TRAP1: variants seen among roughly 807,000 people sequenced by gnomAD.
TRAP1 encodes the protein heat shock protein 75 kDa, mitochondrial.
A neutral mutation model predicts 89.1 loss-of-function variants in TRAP1; 102 were observed. The ratio of observed to expected loss-of-function variants is 1.15; its 90% CI spans 0.98 to 1.35. The LOEUF is 1.35. TRAP1 is among the 40% of genes most tolerant of loss of function. The pLI is 0.00. For synonymous variants in TRAP1, 508 were observed against 388.0 expected (o/e 1.31, Z -3.64); for missense variants, 1,256 against 945.3 (o/e 1.33, Z -4.31).
chr16:3,665,182 G>C (rs1324613607), intron 12 of TRAP1: 1 of 152,214 alleles, frequency 6.6e-6, no homozygotes, highest in Non-Finnish European at 1.5e-5. Flanking sequence ...GAAGATAAAG[G>C]AGAATGAAGA....
At chr16:3,667,967 C>T (rs146784157) in intron 11 of TRAP1, among the ~76,000 whole-genome samples, 2,556 of 140,744 alleles carry the variant, frequency 0.018, 33 homozygotes, top group Middle Eastern at 0.049. Flanking sequence ...CTCGCTCTGT[C>T]GCCCAGGCTG....
At chr16:3,689,226 G>A (rs368345458) in intron 2 of TRAP1, 89 bp from the exon 3 acceptor site, 13 of 646,120 alleles carry the variant, frequency 2.0e-5, no homozygotes, top group East Asian at 7.7e-5. Context: ...GAAAGCTTAA[G>A]TTTATGAGTT....
intron 1 of TRAP1, among the ~76,000 whole-genome samples, chr16:3,696,014 T>C (rs553373850): frequency 6.6e-6 from 1 of 152,252 alleles, no homozygotes; most frequent in Non-Finnish European, 1.5e-5. Flanking sequence ...CACACACACA[T>C]TTCCCAGCTC....
rs2042821250 is a variant in TRAP1, at chr16:3,658,124, G to A, written c.*5C>T. ...GTGGTGTCAGTCCTTCTGGCCCCCT[G>A]GCTGTCAGTGTCGCTCCAGGGCCTT... is the stretch of plus-strand genomic sequence containing the variant. On this transcript the variant is annotated 3_prime_UTR_variant, in exon 18 of 18. Transcript: ENST00000246957. 1 of 1,613,836 alleles carries A rather than the reference G, an allele frequency of 6.2e-7. No individual in the cohort carries two copies. Among genetic ancestry groups the A allele is most frequent in the African/African-American group, 1.3e-5 (1 of 75,028 alleles).
Position 3,661,981 on chromosome 16 carries a change from C to A in TRAP1, c.1940+6G>T. On this transcript the variant is annotated splice_donor_region_variant and intron_variant, in intron 16 of 17. Coordinates refer to ENST00000246957, the MANE Select transcript of TRAP1 (RefSeq NM_016292.3). Reference sequence around the variant, plus strand: ...CAGGCTGGAAGAGCCAGGAGCGTGGCCTCACCTGGGGTTGATCTCCAGCGT... The same window carrying A: ...CAGGCTGGAAGAGCCAGGAGCGTGGACTCACCTGGGGTTGATCTCCAGCGT... 2 of 1,597,360 alleles carry A rather than the reference C, an allele frequency of 1.3e-6. No individual in the cohort carries two copies. The highest frequency in any genetic ancestry group is 1.7e-6 in the Non-Finnish European group (2 of 1,170,166).
chr16:3,673,528 T>A (rs949272133), intron 9 of TRAP1, among the ~76,000 whole-genome samples: 6 of 152,092 alleles, frequency 3.9e-5, no homozygotes, highest in African/African-American at 1.4e-4. Flanking sequence ...GAGACCTGGT[T>A]AAAATGTGGG....
intron 16 of TRAP1, 42 bp downstream of exon 16, chr16:3,661,944 TG>T: frequency 1.9e-6 from 3 of 1,553,594 alleles, no homozygotes; most frequent in Non-Finnish European, 1.7e-6. Flanking sequence ...CACAGGATTC[TG>T]GGGAATCCCA....
At chr16:3,664,592 G>T (rs968549181) in intron 12 of TRAP1, 133 bp from the exon 13 acceptor site, 6 of 939,998 alleles carry the variant, frequency 6.4e-6, no homozygotes, top group Non-Finnish European at 9.3e-6. Flanking sequence ...AGGGACGGTA[G>T]TGGACTCGGG....
chr16:3,662,211 G>A, intron 15 of TRAP1, 79 bp from the exon 16 acceptor site: 1 of 1,530,698 alleles, frequency 6.5e-7, no homozygotes, highest in Non-Finnish European at 8.8e-7. Flanking sequence ...AGGGGTGAAG[G>A]TCACCCAGAC....
rs149669139 is a variant in TRAP1, at chr16:3,658,038, C to T, written c.*91G>A. On this transcript the variant is annotated 3_prime_UTR_variant, in exon 18 of 18. Transcript: ENST00000246957. ...CCAGAAAAAAAGCCCAACACACACT[C>T]GGGTTAAGAAATACCTTTAAATTTA... 1.4e-4 allele frequency: 231 copies of T among 1,607,566 alleles called. 1 individual carries two copies. The highest frequency in any genetic ancestry group is 1.1e-3 in the South Asian group (103 of 90,532).
chr16:3,658,281 A>ATTT, intron 17 of TRAP1, 51 bp from the exon 18 acceptor site: 59 of 1,216,262 alleles, frequency 4.9e-5, no homozygotes, highest in South Asian at 5.5e-5. Flanking sequence ...GCACCTTTTC[A>ATTT]TTTTTTTTTT....
chr16:3,686,062 G>T lies in TRAP1; in HGVS notation c.405C>A (p.Gly135=). Residue 135 remains glycine (G), a synonymous_variant, in exon 4 of 18, where the codon GGC becomes GGA. Coordinates refer to ENST00000246957, the MANE Select transcript of TRAP1 (RefSeq NM_016292.3). ...GAATCTCCATTTCTGGCAGTGCTTG[G>T]CCGTCAGACACCAGTTTGTGACGCA... ...EKLRHKLVSD[G]QALPEMEIHL... is the part of the protein sequence containing the mutation. The T allele has an allele frequency of 1.2e-6, 2 of 1,614,108 alleles. No homozygotes were observed. Among genetic ancestry groups the T allele is most frequent in the Non-Finnish European group, 1.7e-6 (2 of 1,179,998 alleles).
intron 1 of TRAP1, among the ~76,000 whole-genome samples, chr16:3,709,158 C>G (rs1236933427): frequency 6.9e-6 from 1 of 143,996 alleles, no homozygotes; most frequent in Non-Finnish European, 1.5e-5. Flanking sequence ...AGGGCTAGCG[C>G]AGAGGTTACG....
intron 16 of TRAP1, 37 bp from the exon 17 acceptor site, chr16:3,658,902 A>G (rs1266242678): frequency 1.2e-6 from 2 of 1,605,894 alleles, no homozygotes; most frequent in East Asian, 4.5e-5. Flanking sequence ...GCAGCTCAGT[A>G]CCACGTGCTG....
chr16:3,667,833 A>C (rs1224537516), intron 11 of TRAP1, among the ~76,000 whole-genome samples: 1 of 147,032 alleles, frequency 6.8e-6, no homozygotes, highest in Non-Finnish European at 1.5e-5. Flanking sequence ...ATCTCGGCTC[A>C]CTGCAACCTC....
chr16:3,698,549 G>A (rs561278959), intron 1 of TRAP1, among the ~76,000 whole-genome samples: 9 of 151,980 alleles, frequency 5.9e-5, no homozygotes, highest in South Asian at 4.2e-4. Context: ...TGATCTGCCC[G>A]CCTCAGCCTC....
intron 13 of TRAP1, 29 bp downstream of exon 13, chr16:3,664,244 CG>C: frequency 6.6e-7 from 1 of 1,523,842 alleles, no homozygotes. Context: ...TTGCAGCCCC[CG>C]GAGCCCGCCC....
In TRAP1 at chr16:3,674,822, C is replaced by A. The variant is rs529560334; in HGVS notation, c.889-328G>T. 28 of 400,394 alleles carry A rather than the reference C, an allele frequency of 7.0e-5. 1 individual carries two copies. The South Asian group carries it at 7.2e-4, about 10-fold the overall frequency. 24.8% of individuals were successfully genotyped at this position (400,394 alleles called of 1,614,324 possible). A position where few individuals can be genotyped will look rare whatever the true frequency, so the allele number is the denominator to read the frequency against. On this transcript the variant is annotated intron_variant, in intron 8 of 17. Coordinates refer to ENST00000246957, the MANE Select transcript of TRAP1 (RefSeq NM_016292.3). ...GTGTGGGCCGTGAGAGCGATGACGA[C>A]CCACGCTGCACCGCAGCTGAGCCGC...
intron 1 of TRAP1, among the ~76,000 whole-genome samples, chr16:3,709,379 T>G (rs1009632872): frequency 6.6e-6 from 1 of 152,172 alleles, no homozygotes; most frequent in Admixed American, 6.5e-5. Context: ...GAGATAGCAT[T>G]TTCACTACCA....
Sources: allele counts gnomAD v4.1 joint callset (sites outside exome capture counted in the v4.1 genomes callset), GRCh38; gene constraint gnomAD v4.1.1; transcripts MANE v1.5; gene names NCBI Gene and HGNC (gene_info 2026-07-23, HGNC 2026-07-21).